BICC1: variants seen among roughly 807,000 people sequenced by gnomAD.
The protein encoded by BICC1 is BicC family RNA binding protein 1.
A neutral mutation model predicts 111.0 loss-of-function variants in BICC1; 43 were observed. The ratio of observed to expected loss-of-function variants is 0.39; its 90% confidence interval spans 0.30 to 0.50. The LOEUF is 0.50. BICC1 is among the 20% of genes least tolerant of loss of function. BICC1 has a pLI of 0.88. For synonymous variants in BICC1, 467 were observed against 434.4 expected (o/e 1.07, Z -0.93); for missense variants, 1,091 against 1,203.2 (o/e 0.91, Z 1.38).
At chr10:58,684,037 G>A (rs1210573531) in intron 2 of BICC1, among the ~76,000 whole-genome samples, 2 of 152,128 alleles carry the variant, frequency 1.3e-5, no homozygotes, top group African/African-American at 4.8e-5. Context: ...TTATTATTTT[G>A]AGATACGTTC....
intron 2 of BICC1, among the ~76,000 whole-genome samples, chr10:58,659,657 A>G (rs968754570): frequency 6.6e-6 from 1 of 152,164 alleles, no homozygotes; most frequent in Admixed American, 6.5e-5. Flanking sequence ...CGGAACGCGC[A>G]TGACACACAG....
chr10:58,799,823 G>C (rs1316253024), intron 12 of BICC1, among the ~76,000 whole-genome samples: 1 of 151,876 alleles, frequency 6.6e-6, no homozygotes, highest in Non-Finnish European at 1.5e-5. Flanking sequence ...AGATTGCTTT[G>C]GCTATTTGGG....
At chr10:58,540,316 G>A (rs1300965783) in intron 1 of BICC1, among the ~76,000 whole-genome samples, 2 of 151,120 alleles carry the variant, frequency 1.3e-5, no homozygotes, top group East Asian at 3.9e-4. Context: ...AAAAAAAAAG[G>A]CTATGAAACT....
intron 3 of BICC1, among the ~76,000 whole-genome samples, chr10:58,716,986 T>C (rs1228815178): frequency 6.8e-6 from 1 of 147,334 alleles, no homozygotes; most frequent in Non-Finnish European, 1.5e-5. Flanking sequence ...ATTTGCAGCA[T>C]GAGAAAGCCC....
rs1445357583 is a variant in BICC1 at position 58,816,015 on chromosome 10, C to A, written c.2534-1547C>A. On this transcript the variant is annotated intron_variant, in intron 18 of 20. Transcript: ENST00000373886. ...TGAACAGCACAGTTTTAGATAATTT[C>A]TCTTAACACCCTTGTCAAGGTCACC... 2.0e-5 allele frequency among the ~76,000 whole-genome samples: 3 copies of A among 152,260 alleles called. No homozygotes were observed. In the East Asian group the frequency reaches 5.8e-4, roughly 29 times the overall value.
At chr10:58,668,598 T>G (rs891363053) in intron 2 of BICC1, among the ~76,000 whole-genome samples, 2 of 152,116 alleles carry the variant, frequency 1.3e-5, no homozygotes, top group Non-Finnish European at 2.9e-5. Context: ...GACTAGAAAT[T>G]ATCTTATTTG....
At chr10:58,753,689 GACACAC>G (rs150164617) in intron 3 of BICC1, among the ~76,000 whole-genome samples, 4 of 150,060 alleles carry the variant, frequency 2.7e-5, no homozygotes, top group African/African-American at 9.8e-5. Flanking sequence ...CACACACACA[GACACAC>G]ACACACACAC....
At chr10:58,759,287 C>A (rs1261157493) in intron 3 of BICC1, among the ~76,000 whole-genome samples, 2 of 151,794 alleles carry the variant, frequency 1.3e-5, no homozygotes, top group African/African-American at 4.8e-5. Context: ...AAGAGAGTGG[C>A]AATATAAGCA....
chr10:58,647,391 C>T lies in BICC1; in HGVS notation c.237+26490C>T, dbSNP rs376538747. Among the ~76,000 whole-genome samples, 8 of 152,272 alleles carry T rather than the reference C, an allele frequency of 5.3e-5. No individual in the cohort carries two copies. The East Asian group carries it at 1.4e-3, about 26-fold the overall frequency. On this transcript the variant is annotated intron_variant, in intron 2 of 20. Coordinates refer to ENST00000373886, the MANE Select transcript of BICC1 (RefSeq NM_001080512.3). ...GAGCATGAATGTCAAAATAACTTCG[C>T]TGCTTTGGAGAACCAAAAATCTTTG... is the stretch of plus-strand genomic sequence containing the variant.
At position 58,556,021 on chromosome 10, in the gene BICC1, A is replaced by G. The variant is rs568772664; in HGVS notation, c.190+42688A>G. Among the ~76,000 whole-genome samples, 3 of 152,252 alleles carry G rather than the reference A, an allele frequency of 2.0e-5. No homozygotes were observed. In the East Asian group the frequency reaches 5.8e-4, roughly 29 times the overall value. On this transcript the variant is annotated intron_variant, in intron 1 of 20. Transcript: ENST00000373886. ...TTATGGTTATTTAGATAATCCATCA[A>G]TTATAGAATGAGAAGCCTATTTGTA...
intron 2 of BICC1, among the ~76,000 whole-genome samples, chr10:58,674,977 C>T (rs981505793): frequency 1.1e-4 from 17 of 152,104 alleles, no homozygotes; most frequent in African/African-American, 3.4e-4. Context: ...ATCAAATTAA[C>T]GACTTGTATG....
At chr10:58,536,948 TA>T (rs1842840394) in intron 1 of BICC1, among the ~76,000 whole-genome samples, 1 of 151,806 alleles carries the variant, frequency 6.6e-6, no homozygotes, top group Non-Finnish European at 1.5e-5. Flanking sequence ...CTAGAAAATC[TA>T]GCGGAAATGG....
At chr10:58,640,974 T>G (rs1337460660) in intron 2 of BICC1, among the ~76,000 whole-genome samples, 1 of 152,224 alleles carries the variant, frequency 6.6e-6, no homozygotes, top group Admixed American at 6.5e-5. Flanking sequence ...TCTTTGCTTT[T>G]CCACTTAGAA....
intron 3 of BICC1, among the ~76,000 whole-genome samples, chr10:58,707,864 A>G (rs932932007): frequency 6.6e-6 from 1 of 151,962 alleles, no homozygotes; most frequent in Non-Finnish European, 1.5e-5. Flanking sequence ...CGCCCGGCTA[A>G]TTTTGTATTT....
At chr10:58,553,232 A>G (rs184574601) in intron 1 of BICC1, among the ~76,000 whole-genome samples, 2 of 152,288 alleles carry the variant, frequency 1.3e-5, no homozygotes, top group Admixed American at 6.5e-5. Flanking sequence ...AGATGGCTTT[A>G]AGGTTACCAA....
chr10:58,620,389 T>C (rs1460052574), intron 1 of BICC1, among the ~76,000 whole-genome samples: 5 of 152,212 alleles, frequency 3.3e-5, no homozygotes, highest in African/African-American at 1.2e-4. Context: ...ATTAAAAGTA[T>C]ATGATGCCAG....
At chr10:58,565,964 C>CA (rs1360022734) in intron 1 of BICC1, among the ~76,000 whole-genome samples, 4 of 152,116 alleles carry the variant, frequency 2.6e-5, no homozygotes, top group Non-Finnish European at 4.4e-5. Context: ...CCCTCAGCCC[C>CA]ATCCCACCTT....
intron 1 of BICC1, among the ~76,000 whole-genome samples, chr10:58,555,021 T>C (rs1843404654): frequency 6.6e-6 from 1 of 152,028 alleles, no homozygotes; most frequent in African/African-American, 2.4e-5. Context: ...GTCCAGGTTT[T>C]GTTATAAATA....
chr10:58,666,362 A>G (rs998042142), intron 2 of BICC1, among the ~76,000 whole-genome samples: 8 of 152,114 alleles, frequency 5.3e-5, no homozygotes, highest in Non-Finnish European at 8.8e-5. Context: ...TAGGTTTTCA[A>G]TTTTGTCTCA....
Sources: allele counts gnomAD v4.1 joint callset (sites outside exome capture counted in the v4.1 genomes callset), GRCh38; gene constraint gnomAD v4.1.1; transcripts MANE v1.5; gene names NCBI Gene and HGNC (gene_info 2026-07-23, HGNC 2026-07-21).